MGST1: variants seen among roughly 807,000 people sequenced by gnomAD.
The protein encoded by MGST1 is microsomal glutathione S-transferase 1, also known as glutathione S-transferase 12.
MGST1 carries 5 observed loss-of-function variants against 8.9 expected under a neutral mutation model. The ratio of observed to expected loss-of-function variants is 0.56; its 90% CI spans 0.29 to 1.19. The LOEUF is 1.19. Ranked by LOEUF, MGST1 falls within the 50% of genes most tolerant of loss-of-function variation. The pLI, the probability that MGST1 is intolerant of heterozygous loss-of-function variation, is 0.08. For synonymous variants in MGST1, 54 were observed against 67.8 expected (o/e 0.80, Z 1.00); for missense variants, 182 against 187.4 (o/e 0.97, Z 0.17).
chr12:16,373,255 T>C (rs1477152595), intron 3 of MGST1, among the ~76,000 whole-genome samples: 1 of 151,422 alleles, frequency 6.6e-6, no homozygotes, highest in Non-Finnish European at 1.5e-5. Context: ...TTGGGAAGGA[T>C]AGTAGGGATG....
chr12:16,519,419 A>C (rs1164264679), intron 4 of MGST1, among the ~76,000 whole-genome samples: 1 of 152,138 alleles, frequency 6.6e-6, no homozygotes. Flanking sequence ...AAAAGTATGA[A>C]ACTCATACCA....
chr12:16,534,089 T>G (rs1478669039), intron 4 of MGST1, among the ~76,000 whole-genome samples: 1 of 152,136 alleles, frequency 6.6e-6, no homozygotes, highest in African/African-American at 2.4e-5. Flanking sequence ...CTATAGAATC[T>G]TTTAACTGAA....
chr12:16,511,467 A>G (rs186969761), intron 4 of MGST1, among the ~76,000 whole-genome samples: 74 of 152,322 alleles, frequency 4.9e-4, no homozygotes, highest in Non-Finnish European at 9.4e-4. Flanking sequence ...ATTTGGCAAT[A>G]ATTGGTGAGT....
At chr12:16,427,097 C>G (rs1239585308) in intron 1 of MGST1, among the ~76,000 whole-genome samples, 1 of 151,824 alleles carries the variant, frequency 6.6e-6, no homozygotes, top group Non-Finnish European at 1.5e-5. Flanking sequence ...ATTAAGTTGA[C>G]AATTTGCAGT....
Position 16,586,510 on chromosome 12 carries a change from A to G in MGST1, n.483-3018A>G, listed in dbSNP as rs140862851. ...GCTAAGCATTATCTTCTACGTCCAC[A>G]GAAAAAAATCTGTTGTATAATATTG... is the stretch of plus-strand genomic sequence containing the variant. On this transcript the variant is annotated intron_variant and non_coding_transcript_variant, in intron 4 of 4. Coordinates refer to the MGST1 transcript ENST00000538857. This position sits in a 1 kb window ranked among gnomAD's most constrained non-coding sequence, Gnocchi z 4.3. Among the ~76,000 whole-genome samples, 132 of 152,296 alleles carry G rather than the reference A, an allele frequency of 8.7e-4. No individual in the cohort carries two copies. The highest frequency in any genetic ancestry group is 3.0e-3 in the African/African-American group (126 of 41,570).
intron 1 of MGST1, among the ~76,000 whole-genome samples, chr12:16,407,630 G>A (rs563375341): frequency 6.6e-6 from 1 of 152,176 alleles, no homozygotes; most frequent in South Asian, 2.1e-4. Flanking sequence ...TCACTGCAGT[G>A]CTATTCACAA....
At chr12:16,385,248 A>G (rs1025088949) in intron 1 of MGST1, among the ~76,000 whole-genome samples, 21 of 152,194 alleles carry the variant, frequency 1.4e-4, no homozygotes, top group African/African-American at 4.6e-4. Flanking sequence ...TTGAAAAGAG[A>G]AATTTTAATA....
In MGST1 at chr12:16,560,408, C is replaced by T. The variant is rs770538916; in HGVS notation, n.483-29120C>T. On this transcript the variant is annotated intron_variant and non_coding_transcript_variant, in intron 4 of 4. Coordinates refer to the MGST1 transcript ENST00000538857. This position sits in a 1 kb window ranked among gnomAD's most constrained non-coding sequence, Gnocchi z 5.0. ...TTCTTAGAGACCAAAAAGAGACCTG[C>T]TTACCTCTGATTACAAAGCTGACAT... 2.4e-5 allele frequency: 38 copies of T among 1,612,854 alleles called. No individual in the cohort carries two copies. The highest frequency in any genetic ancestry group is 3.2e-5 in the Non-Finnish European group (38 of 1,179,448).
downstream of MGST1, among the ~76,000 whole-genome samples, chr12:16,591,426 TCTC>T (rs768120825): frequency 1.3e-5 from 2 of 152,038 alleles, no homozygotes; most frequent in Non-Finnish European, 2.9e-5. The surrounding 1 kb of genome is among the most constrained non-coding windows in gnomAD (Gnocchi z 4.1). Context: ...TGCTTCATTT[TCTC>T]CTCATTGTGT....
At position 16,500,197 on chromosome 12, in the gene MGST1, A is replaced by G. The variant is rs1379944082; in HGVS notation, n.483-89331A>G. On this transcript the variant is annotated intron_variant and non_coding_transcript_variant, in intron 4 of 4. Transcript: ENST00000538857. This position sits in a 1 kb window ranked among gnomAD's most constrained non-coding sequence, Gnocchi z 4.3. ...ATCTTAAGACTGTACTTTCCACTTA[A>G]TCTTCTAGCAGGTGCCTTTGTTTAA... is the stretch of plus-strand genomic sequence containing the variant. Among the ~76,000 whole-genome samples the G allele has an allele frequency of 6.6e-6, 1 of 152,178 alleles. No homozygotes were observed. The highest frequency in any genetic ancestry group is 1.5e-5 in the Non-Finnish European group (1 of 68,032).
intron 1 of MGST1, chr12:16,383,703 C>A (rs1401795045): frequency 2.0e-5 from 3 of 152,192 alleles, no homozygotes; most frequent in Admixed American, 1.3e-4. Context: ...TCAGGTGATC[C>A]ATCCGCCTTG....
intron 1 of MGST1, among the ~76,000 whole-genome samples, chr12:16,405,153 C>G (rs948136426): frequency 1.3e-5 from 2 of 152,216 alleles, no homozygotes; most frequent in South Asian, 2.1e-4. Context: ...AATCTCAAAG[C>G]TAGCAGAAGA....
At chr12:16,562,239 G>C (rs1023022536) in intron 4 of MGST1, among the ~76,000 whole-genome samples, 1 of 152,008 alleles carries the variant, frequency 6.6e-6, no homozygotes, top group Non-Finnish European at 1.5e-5. Context: ...TACTTAACAT[G>C]ATCTGCTTAG....
chr12:16,484,717 G>T (rs1022864328), intron 4 of MGST1, among the ~76,000 whole-genome samples: 2 of 152,078 alleles, frequency 1.3e-5, no homozygotes, highest in East Asian at 3.9e-4. Context: ...AGTGTCATGA[G>T]AACAGCAAGG....
At chr12:16,415,116 A>G (rs1940777320) in intron 1 of MGST1, among the ~76,000 whole-genome samples, 1 of 152,150 alleles carries the variant, frequency 6.6e-6, no homozygotes, top group South Asian at 2.1e-4. Flanking sequence ...TAAAAGCCAC[A>G]TTTGCATTTC....
chr12:16,381,020 T>A (rs1291762755), downstream of MGST1, among the ~76,000 whole-genome samples: 2 of 152,240 alleles, frequency 1.3e-5, no homozygotes, highest in African/African-American at 4.8e-5. Flanking sequence ...TCCCTTTATT[T>A]TGAGCCTATG....
rs1267924928 is a variant in MGST1, at chr12:16,355,705, A to G, written c.126+1327A>G. Reference sequence around the variant, plus strand: ...GAATTCAAATTTGGAGAGTGCCGGGAGCCACACGCTTTTTATGTGTGCTTG... The same window carrying G: ...GAATTCAAATTTGGAGAGTGCCGGGGGCCACACGCTTTTTATGTGTGCTTG... On this transcript the variant is annotated intron_variant, in intron 2 of 3. Coordinates refer to ENST00000396210, the MANE Select transcript of MGST1 (RefSeq NM_020300.5). Among the ~76,000 whole-genome samples the G allele has an allele frequency of 2.0e-5, 3 of 152,272 alleles. No individual in the cohort carries two copies. The East Asian group carries it at 5.8e-4, about 29-fold the overall frequency.
At chr12:16,457,190 C>T (rs958788556) in intron 4 of MGST1, among the ~76,000 whole-genome samples, 16 of 151,984 alleles carry the variant, frequency 1.1e-4, no homozygotes, top group African/African-American at 3.6e-4. Flanking sequence ...AAAATTCTTA[C>T]TAATGCATAC....
At chr12:16,516,727 A>G (rs1941617924) in intron 4 of MGST1, among the ~76,000 whole-genome samples, 3 of 152,196 alleles carry the variant, frequency 2.0e-5, no homozygotes, top group South Asian at 4.1e-4. Flanking sequence ...TTAAAGGAAG[A>G]CTATCTATCA....
Sources: allele counts gnomAD v4.1 joint callset (sites outside exome capture counted in the v4.1 genomes callset), GRCh38; gene constraint gnomAD v4.1.1; non-coding constraint Gnocchi (gnomAD v3.1); transcripts MANE v1.5; gene names NCBI Gene and HGNC (gene_info 2026-07-23, HGNC 2026-07-21).